ZFAND3: variants seen among roughly 807,000 people sequenced by gnomAD.
ZFAND3 encodes AN1-type zinc finger protein 3.
ZFAND3 carries 10 observed loss-of-function variants against 29.6 expected under a neutral mutation model. That is an observed-to-expected ratio of 0.34 (90% CI 0.21 to 0.57). The LOEUF (loss-of-function observed/expected upper bound fraction) is 0.57. Ranked by LOEUF, ZFAND3 falls within the 20% of genes least tolerant of loss-of-function variation. The probability of loss-of-function intolerance (pLI) is 0.86; values close to 1 mark genes in which losing one functional copy is unlikely to be tolerated. For synonymous variants in ZFAND3, 128 were observed against 112.6 expected, an observed-to-expected ratio of 1.14 and a Z score of -0.87; for missense variants, 230 against 304.5, an observed-to-expected ratio of 0.76 and a Z score of 1.82.
intron 2 of ZFAND3, among the ~76,000 whole-genome samples, chr6:38,004,395 T>C (rs1447334246): frequency 1.3e-5 from 2 of 152,110 alleles, no homozygotes; most frequent in Non-Finnish European, 2.9e-5. Context: ...TTATTTCTTT[T>C]AAATTTTTCT....
chr6:37,833,817 A>ACT (rs61622475), intron 1 of ZFAND3, among the ~76,000 whole-genome samples: 28,276 of 140,544 alleles, frequency 0.2, 3,775 homozygotes, highest in African/African-American at 0.35. Context: ...ACAGAGTGAC[A>ACT]CTGTCTCAAA....
chr6:37,927,804 G>A (rs1265517063), intron 1 of ZFAND3, among the ~76,000 whole-genome samples: 1 of 152,168 alleles, frequency 6.6e-6, no homozygotes, highest in Non-Finnish European at 1.5e-5. Context: ...ACTGGTATAT[G>A]CCCCTCAGCT....
At chr6:38,055,045 G>A (rs13217630) in intron 2 of ZFAND3, among the ~76,000 whole-genome samples, 11,387 of 152,202 alleles carry the variant, frequency 0.075, 498 homozygotes, top group African/African-American at 0.13. Flanking sequence ...CATAAATTGG[G>A]TGGAGAGGGG....
chr6:37,874,765 A>G (rs1187411455), intron 1 of ZFAND3, among the ~76,000 whole-genome samples: 1 of 152,128 alleles, frequency 6.6e-6, no homozygotes, highest in East Asian at 1.9e-4. Flanking sequence ...TGTAGAGATG[A>G]AGGTCTCGTT....
chr6:37,912,313 T>C lies in ZFAND3; in HGVS notation c.72-17646T>C, dbSNP rs188272753. On this transcript the variant is annotated intron_variant, in intron 1 of 5. Coordinates refer to ENST00000287218, the MANE Select transcript of ZFAND3 (RefSeq NM_021943.3). Reference sequence around the variant, plus strand: ...AGCACACAGAGTATGCTCATTAAGATTGTGAAATGGCATCAAATTGAATAG... The same window carrying C: ...AGCACACAGAGTATGCTCATTAAGACTGTGAAATGGCATCAAATTGAATAG... 5.7e-4 allele frequency among the ~76,000 whole-genome samples: 87 copies of C among 152,196 alleles called. 1 individual carries two copies. The East Asian group carries it at 0.013, about 23-fold the overall frequency.
chr6:37,896,507 CTCTT>C (rs1454813679), intron 1 of ZFAND3, among the ~76,000 whole-genome samples: 1 of 109,022 alleles, frequency 9.2e-6, no homozygotes, highest in African/African-American at 3.5e-5. Flanking sequence ...AATTTTTTTC[CTCTT>C]TCTTTTCTTT....
chr6:37,886,769 C>A (rs575392776), intron 1 of ZFAND3, among the ~76,000 whole-genome samples: 2 of 152,034 alleles, frequency 1.3e-5, no homozygotes, highest in African/African-American at 4.8e-5. Context: ...CCAAGGTGGG[C>A]GCATCACTTG....
intron 3 of ZFAND3, among the ~76,000 whole-genome samples, chr6:38,067,937 T>G (rs1270165551): frequency 6.6e-6 from 1 of 152,014 alleles, no homozygotes; most frequent in African/African-American, 2.4e-5. Context: ...GAAATGGAGG[T>G]GTTTGGGGGG....
At chr6:38,004,654 A>G (rs1015625306) in intron 2 of ZFAND3, among the ~76,000 whole-genome samples, 3 of 152,220 alleles carry the variant, frequency 2.0e-5, no homozygotes, top group African/African-American at 4.8e-5. Flanking sequence ...ATTTTCAATA[A>G]TAGAATATGC....
In ZFAND3 at chr6:38,061,628, C is replaced by T. The variant is rs747245960; in HGVS notation, c.148C>T (p.Pro50Ser). Reference sequence around the variant, plus strand: ...GAAACAGCCAGACGATGATTCCGCTCCAAGTACAAGTAACAGCCAATCAGA... The same window carrying T: ...GAAACAGCCAGACGATGATTCCGCTTCAAGTACAAGTAACAGCCAATCAGA... The part of the protein sequence containing the change: ...QKKQPDDDSA[P>S]STSNSQSDLF... The change falls in exon 3 of 6, where the codon CCA (proline) becomes TCA (serine). Residue 50 changes from proline (P) to serine (S), a missense_variant. Coordinates refer to ENST00000287218, the MANE Select transcript of ZFAND3 (RefSeq NM_021943.3). 1.9e-6 allele frequency: 3 copies of T among 1,614,188 alleles called. No homozygotes were observed. The highest frequency in any genetic ancestry group is 3.3e-5 in the Admixed American group (2 of 60,022).
intron 1 of ZFAND3, among the ~76,000 whole-genome samples, chr6:37,843,682 C>G (rs1764121995): frequency 6.6e-6 from 1 of 152,104 alleles, no homozygotes; most frequent in Admixed American, 6.5e-5. Flanking sequence ...TTTGCAATTA[C>G]TCAGCATTTT....
rs768174856 is a variant in ZFAND3, at chr6:38,062,391, C to CT, written c.295+630dup. On this transcript the variant is annotated intron_variant, in intron 3 of 5. Transcript: ENST00000287218. ...TAGAAGTTCACTGTCTACTTAATTT[C>CT]TTTTTTTTTTTTTTAGATACTCACT... 6.0e-3 allele frequency: 856 copies of CT among 142,180 alleles called. 7 individuals carry two copies. Among genetic ancestry groups the CT allele is most frequent in the African/African-American group, 0.015 (565 of 38,906 alleles). 8.8% of individuals were successfully genotyped at this position (142,180 alleles called of 1,614,324 possible).
chr6:37,960,613 G>A lies in ZFAND3; in HGVS notation c.112+30614G>A, dbSNP rs534259558. ...CTACCTTCGCATTTGTGTGCCTTCC[G>A]TTTATAAATAAAGGGAATAAAGGGA... On this transcript the variant is annotated intron_variant, in intron 2 of 5. Transcript: ENST00000287218. Among the ~76,000 whole-genome samples the A allele has an allele frequency of 9.9e-5, 15 of 152,188 alleles. 1 individual carries two copies. Among genetic ancestry groups the A allele is most frequent in the South Asian group, 6.2e-4 (3 of 4,826 alleles).
intron 1 of ZFAND3, among the ~76,000 whole-genome samples, chr6:37,885,189 G>T (rs1764967341): frequency 6.6e-6 from 1 of 151,776 alleles, no homozygotes; most frequent in Non-Finnish European, 1.5e-5. Context: ...AGACAAGATT[G>T]GGAAAAAAGG....
chr6:37,936,863 CTAAG>C (rs1339387188), intron 2 of ZFAND3, among the ~76,000 whole-genome samples: 51 of 152,300 alleles, frequency 3.3e-4, no homozygotes, highest in Non-Finnish European at 2.9e-5. Context: ...CATTGGGAAT[CTAAG>C]TGTTGACATC....
rs1766246613 is a variant in ZFAND3 at position 38,152,377 on chromosome 6, G to A, written c.672G>A (p.Glu224=). 1.3e-6 allele frequency: 2 copies of A among 1,590,382 alleles called. No homozygotes were observed. The highest frequency in any genetic ancestry group is 1.8e-5 in the Admixed American group (1 of 55,574). Residue 224 remains glutamate (E), a synonymous_variant, in exon 6 of 6, where the codon GAG becomes GAA. Transcript: ENST00000287218. ...GGCGCTCCTGCCAGCGCATCGGGGA[G>A]GGGTGCTCCTGAAGGCCAGGCATGG... ...KVGRSCQRIG[E]GCS
At chr6:38,090,925 GC>G (rs1396410393) in intron 4 of ZFAND3, among the ~76,000 whole-genome samples, 18 of 152,144 alleles carry the variant, frequency 1.2e-4, no homozygotes, top group Non-Finnish European at 2.4e-4. Flanking sequence ...AGGTCCCATT[GC>G]CACCTACGTT....
At chr6:38,124,421 AGCGGGGGGCCAG>A (rs1325045786) in intron 5 of ZFAND3, among the ~76,000 whole-genome samples, 1 of 152,168 alleles carries the variant, frequency 6.6e-6, no homozygotes, top group Non-Finnish European at 1.5e-5. Flanking sequence ...AGGAGCCCAC[AGCGGGGGGCCAG>A]GCGGGGAGGC....
intron 2 of ZFAND3, among the ~76,000 whole-genome samples, chr6:37,932,262 A>C (rs77403901): frequency 2.9e-5 from 1 of 34,666 alleles, no homozygotes; most frequent in Non-Finnish European, 7.2e-5. Flanking sequence ...CTCTGTCTCA[A>C]AAAAAAAAAA....
Sources: allele counts gnomAD v4.1 joint callset (sites outside exome capture counted in the v4.1 genomes callset), GRCh38; gene constraint gnomAD v4.1.1; transcripts MANE v1.5; gene names NCBI Gene and HGNC (gene_info 2026-07-23, HGNC 2026-07-21).